BICD2: variants seen among roughly 807,000 people sequenced by gnomAD.
BICD2 encodes protein bicaudal D homolog 2.
In BICD2, 25 loss-of-function variants were observed where a neutral mutation model predicts 72.9. The observed-to-expected ratio is 0.34, with a 90% CI of 0.25 to 0.48. The LOEUF (loss-of-function observed/expected upper bound fraction) is 0.48, where lower values mean the gene tolerates loss of function less well. Among genes scored for constraint, BICD2 ranks in the 20% least tolerant of loss-of-function variants. BICD2 has a pLI of 0.99. For synonymous variants in BICD2, 501 were observed against 516.1 expected, an observed-to-expected ratio of 0.97 and a Z score of 0.40; for missense variants, 894 against 1,175.2, an observed-to-expected ratio of 0.76 and a Z score of 3.50.
At chr9:92,716,215 C>T (rs1010988809) in intron 6 of BICD2, among the ~76,000 whole-genome samples, 2 of 152,174 alleles carry the variant, frequency 1.3e-5, no homozygotes, top group South Asian at 2.1e-4. Context: ...TGCCAGGAGC[C>T]GGCCCTTGGA....
chr9:92,715,354 G>A lies in BICD2; in HGVS notation c.2368C>T (p.Leu790=), dbSNP rs200816999. 20 of 1,613,128 alleles carry A rather than the reference G, an allele frequency of 1.2e-5. No individual in the cohort carries two copies. The East Asian group carries it at 4.0e-4, about 32-fold the overall frequency. The change falls in exon 7 of 7, where the codon CTG becomes TTG. Residue 790 remains leucine (L), a synonymous_variant. Coordinates refer to ENST00000356884, the MANE Select transcript of BICD2 (RefSeq NM_001003800.2). ...AGCTCCAGCCGCTGGGTCAGCGCCA[G>A]CTTCTGCTGGATGGCCATGCGCAGC... The part of the protein sequence containing the change: ...SLLRMAIQQK[L]ALTQRLELLE...
rs545583404 is a variant in BICD2, at chr9:92,715,091, G to A, written c.*63C>T. The A allele has an allele frequency of 9.2e-6, 14 of 1,520,586 alleles. No individual in the cohort carries two copies. The highest frequency in any genetic ancestry group is 6.9e-5 in the East Asian group (3 of 43,528). The allele number at this position is 1,520,586 out of a possible 1,614,324, so 94.2% of individuals were successfully genotyped here. A position where few individuals can be genotyped will look rare whatever the true frequency, so the allele number is the denominator to read the frequency against. On this transcript the variant is annotated 3_prime_UTR_variant, in exon 7 of 7. Coordinates refer to ENST00000356884, the MANE Select transcript of BICD2 (RefSeq NM_001003800.2). ...AAGATTGACCTAGCACCGCCGTCCC[G>A]CTGCTGCTGGGTTAGTTGAGGTGAA...
At chr9:92,729,511 C>G (rs1451504674) in intron 1 of BICD2, among the ~76,000 whole-genome samples, 2 of 152,254 alleles carry the variant, frequency 1.3e-5, no homozygotes, top group Non-Finnish European at 2.9e-5. Flanking sequence ...ACTGGCAAGA[C>G]AAGTGCTGGA....
Position 92,713,503 on chromosome 9 carries a change from G to A in BICD2, c.*1651C>T, listed in dbSNP as rs1239838353. 2 of 1,574,008 alleles carry A rather than the reference G, an allele frequency of 1.3e-6. No homozygotes were observed. On this transcript the variant is annotated 3_prime_UTR_variant, in exon 7 of 7. Transcript: ENST00000356884. ...AGAGAGCGTTAGAAAGCGGTCATCTGTCGCTTCCTGTTTATCTGACAATTG... is the reference window on the plus strand; with the variant it reads ...AGAGAGCGTTAGAAAGCGGTCATCTATCGCTTCCTGTTTATCTGACAATTG...
At chr9:92,752,003 C>T (rs1482176366) in intron 1 of BICD2, among the ~76,000 whole-genome samples, 1 of 151,932 alleles carries the variant, frequency 6.6e-6, no homozygotes, top group African/African-American at 2.4e-5. Context: ...CGAGGTTTCC[C>T]CATGTTGGCC....
At chr9:92,741,163 A>G (rs1853890559) in intron 1 of BICD2, among the ~76,000 whole-genome samples, 1 of 152,356 alleles carries the variant, frequency 6.6e-6, no homozygotes, top group Admixed American at 6.5e-5. Context: ...GGGAATGTTC[A>G]GCAGGTATGT....
chr9:92,754,028 G>A (rs1037560333), intron 1 of BICD2, among the ~76,000 whole-genome samples: 23 of 151,364 alleles, frequency 1.5e-4, no homozygotes, highest in African/African-American at 4.9e-4. Context: ...GCCTGTAGTC[G>A]GAGCTACTCG....
chr9:92,724,158 C>T (rs553483270), intron 2 of BICD2, among the ~76,000 whole-genome samples: 31 of 152,336 alleles, frequency 2.0e-4, no homozygotes, highest in African/African-American at 7.2e-4. Context: ...CTTGGACTCT[C>T]GGCCAGAAGC....
At chr9:92,754,684 T>C (rs1430935038) in intron 1 of BICD2, among the ~76,000 whole-genome samples, 1 of 152,242 alleles carries the variant, frequency 6.6e-6, no homozygotes, top group Non-Finnish European at 1.5e-5. Flanking sequence ...CCCAAATTAA[T>C]ACTTTTGTAA....
chr9:92,755,947 G>C (rs1002970752), intron 1 of BICD2, among the ~76,000 whole-genome samples: 1 of 152,262 alleles, frequency 6.6e-6, no homozygotes, highest in Non-Finnish European at 1.5e-5. Context: ...CTGAGGCCCA[G>C]AGAGGGGAGA....
At chr9:92,736,440 A>G (rs1173119015) in intron 1 of BICD2, among the ~76,000 whole-genome samples, 1 of 152,198 alleles carries the variant, frequency 6.6e-6, no homozygotes, top group Non-Finnish European at 1.5e-5. Flanking sequence ...AGTTACCTAC[A>G]TGGTCTAAAA....
At position 92,764,666 on chromosome 9, in the gene BICD2, T is replaced by C. The variant is rs575275088; in HGVS notation, c.79A>G (p.Lys27Glu). The C allele has an allele frequency of 2.3e-5, 36 of 1,591,004 alleles. No individual in the cohort carries two copies. The South Asian group carries it at 3.8e-4, about 17-fold the overall frequency. The part of the protein sequence containing the change: ...AQPEWLRAEV[K>E]RLSHELAETT... ...TCGGCCAGCTCGTGGGACAGCCGCT[T>C]CACCTCGGCGCGCAGCCACTCCGGC... The change falls in exon 1 of 7, where the codon AAG becomes GAG. Residue 27 changes from lysine (K) to glutamate (E), a missense_variant. Coordinates refer to ENST00000356884, the MANE Select transcript of BICD2 (RefSeq NM_001003800.2). The surrounding 1 kb of genome is among the most constrained non-coding windows in gnomAD (Gnocchi z 5.5).
intron 1 of BICD2, among the ~76,000 whole-genome samples, chr9:92,758,757 G>C (rs1264819365): frequency 6.6e-6 from 1 of 152,010 alleles, no homozygotes; most frequent in African/African-American, 2.4e-5. Flanking sequence ...GGGAGGCTGA[G>C]GCAGGAGAAT....
intron 1 of BICD2, among the ~76,000 whole-genome samples, chr9:92,733,121 A>C (rs1853707767): frequency 6.6e-6 from 1 of 152,254 alleles, no homozygotes; most frequent in Admixed American, 6.5e-5. Context: ...TGATCAAAAC[A>C]ATGTGGTACT....
rs1369518440 is a variant in BICD2 at position 92,712,714 on chromosome 9, GCAAAGGT to G, written c.*2433_*2439del. 2 of 152,000 alleles carry G rather than the reference GCAAAGGT, an allele frequency of 1.3e-5. No homozygotes were observed. The allele number at this position is 152,000 out of a possible 1,614,324, so 9.4% of individuals were successfully genotyped here. A position where few individuals can be genotyped will look rare whatever the true frequency, so the allele number is the denominator to read the frequency against. ...AGTGCCTATTACTGTTTTAACCAGA[GCAAAGGT>G]CAAGTTTTCTTCTTGTTACATTGAA... is the stretch of plus-strand genomic sequence containing the variant. On this transcript the variant is annotated 3_prime_UTR_variant, in exon 7 of 7. Transcript: ENST00000356884.
chr9:92,740,727 A>ATGAC (rs1395200769), intron 1 of BICD2, among the ~76,000 whole-genome samples: 2 of 152,156 alleles, frequency 1.3e-5, no homozygotes, highest in Non-Finnish European at 2.9e-5. Context: ...TAACCAGCTA[A>ATGAC]TGACTGTATT....
chr9:92,734,515 A>C (rs938413512), intron 1 of BICD2, among the ~76,000 whole-genome samples: 1 of 98,756 alleles, frequency 1.0e-5, no homozygotes, highest in African/African-American at 3.0e-5. Flanking sequence ...CCCTGTCTCA[A>C]AAAAAAAAAA....
chr9:92,747,239 T>A (rs915638118), intron 1 of BICD2, among the ~76,000 whole-genome samples: 1 of 152,180 alleles, frequency 6.6e-6, no homozygotes, highest in Admixed American at 6.5e-5. Flanking sequence ...GTCCACCATC[T>A]GCACCATCAA....
intron 1 of BICD2, 138 bp from the exon 2 acceptor site, chr9:92,729,374 T>G: frequency 1.1e-6 from 1 of 893,866 alleles, no homozygotes; most frequent in Non-Finnish European, 1.7e-6. Flanking sequence ...GGAGGCCCCC[T>G]GACCTGGGAG....
Sources: allele counts gnomAD v4.1 joint callset (sites outside exome capture counted in the v4.1 genomes callset), GRCh38; gene constraint gnomAD v4.1.1; non-coding constraint Gnocchi (gnomAD v3.1); transcripts MANE v1.5; gene names NCBI Gene and HGNC (gene_info 2026-07-23, HGNC 2026-07-21).